CLTC: variants seen among roughly 807,000 people sequenced by gnomAD.
CLTC encodes clathrin heavy chain 1.
In CLTC, 16 loss-of-function variants were observed where a neutral mutation model predicts 195.8. The observed-to-expected ratio is 0.08, with a 90% CI of 0.06 to 0.12. The LOEUF is 0.12. Among genes scored for constraint, CLTC ranks in the 10% least tolerant of loss-of-function variants. CLTC has a pLI of 1.00. For synonymous variants in CLTC, 667 were observed against 689.4 expected, an observed-to-expected ratio of 0.97 and a Z score of 0.51; for missense variants, 796 against 2,027.0, an observed-to-expected ratio of 0.39 and a Z score of 11.66.
intron 1 of CLTC, among the ~76,000 whole-genome samples, chr17:59,625,502 A>G (rs1372769407): frequency 6.6e-6 from 1 of 152,148 alleles, no homozygotes; most frequent in Non-Finnish European, 1.5e-5. Context: ...TTTAGAGTTC[A>G]TAAAATTTAC....
At chr17:59,672,390 T>TA (rs1173040657) in intron 14 of CLTC, among the ~76,000 whole-genome samples, 1 of 152,132 alleles carries the variant, frequency 6.6e-6, no homozygotes, top group Non-Finnish European at 1.5e-5. Context: ...CTGTAAGTGA[T>TA]AAAGATAACA....
At chr17:59,650,704 T>A (rs2032308468) in intron 4 of CLTC, among the ~76,000 whole-genome samples, 1 of 152,152 alleles carries the variant, frequency 6.6e-6, no homozygotes, top group Non-Finnish European at 1.5e-5. Flanking sequence ...TCCCCTGTGT[T>A]CTTTACCCAG....
intron 5 of CLTC, among the ~76,000 whole-genome samples, chr17:59,652,799 C>T (rs1363262566): frequency 6.6e-6 from 1 of 152,146 alleles, no homozygotes; most frequent in Non-Finnish European, 1.5e-5. Context: ...TTGGCTTCAC[C>T]TTAAAGTCAC....
intron 1 of CLTC, among the ~76,000 whole-genome samples, chr17:59,621,527 A>C (rs192946235): frequency 1.3e-3 from 204 of 152,306 alleles, no homozygotes; most frequent in Admixed American, 2.0e-3. Flanking sequence ...TAAGTAACAT[A>C]ATTTCATATT....
intron 14 of CLTC, among the ~76,000 whole-genome samples, chr17:59,672,381 TGTAA>T (rs2032867693): frequency 6.6e-6 from 1 of 152,170 alleles, no homozygotes. Context: ...CTAGATTATC[TGTAA>T]GTGATAAAGA....
At chr17:59,649,134 T>C (rs1598215019) in intron 4 of CLTC, among the ~76,000 whole-genome samples, 1 of 152,184 alleles carries the variant, frequency 6.6e-6, no homozygotes, top group East Asian at 1.9e-4. Flanking sequence ...CAAGGTCTGG[T>C]TGATTAGAGC....
At chr17:59,625,132 A>C (rs1040987526) in intron 1 of CLTC, among the ~76,000 whole-genome samples, 2 of 150,776 alleles carry the variant, frequency 1.3e-5, no homozygotes, top group African/African-American at 4.9e-5. Flanking sequence ...TTTTTTTGAG[A>C]CAAAGTCTCA....
intron 30 of CLTC, chr17:59,689,647 T>A (rs578195603): frequency 6.6e-6 from 1 of 152,214 alleles, no homozygotes; most frequent in Non-Finnish European, 1.5e-5. Context: ...CTTTTAAATA[T>A]TGAAAGACAA....
intron 1 of CLTC, among the ~76,000 whole-genome samples, chr17:59,629,635 C>T (rs757208602): frequency 6.6e-6 from 1 of 150,696 alleles, no homozygotes; most frequent in Non-Finnish European, 1.5e-5. Flanking sequence ...GTTCTTCTGC[C>T]TAAGCCTCCC....
intron 31 of CLTC, among the ~76,000 whole-genome samples, chr17:59,693,195 T>C (rs1321815571): frequency 1.3e-5 from 2 of 151,892 alleles, no homozygotes; most frequent in Non-Finnish European, 2.9e-5. Flanking sequence ...GGCAAAACCC[T>C]GTCTCTACTA....
At chr17:59,669,025 T>C in intron 14 of CLTC, 85 bp downstream of exon 14, 2 of 1,256,332 alleles carry the variant, frequency 1.6e-6, no homozygotes, top group Non-Finnish European at 2.2e-6. Flanking sequence ...AAAAATATTT[T>C]TTCCCTAAAT....
At chr17:59,688,241 T>C (rs183157268) in intron 30 of CLTC, among the ~76,000 whole-genome samples, 1 of 152,360 alleles carries the variant, frequency 6.6e-6, no homozygotes, top group East Asian at 1.9e-4. Context: ...AGAGCCTGTA[T>C]AGCAAGTCAT....
chr17:59,690,770 C>A, intron 31 of CLTC, 59 bp downstream of exon 31: 1 of 1,292,318 alleles, frequency 7.7e-7, no homozygotes, highest in Non-Finnish European at 1.1e-6. Flanking sequence ...TACTTAGAGA[C>A]TGTGCCTCAA....
At chr17:59,672,816 AC>A (rs1598232702) in intron 14 of CLTC, among the ~76,000 whole-genome samples, 1 of 152,228 alleles carries the variant, frequency 6.6e-6, no homozygotes, top group East Asian at 1.9e-4. Flanking sequence ...GTTCTACCCT[AC>A]TTAGTTCTGC....
At chr17:59,672,547 G>A (rs2032873345) in intron 14 of CLTC, among the ~76,000 whole-genome samples, 1 of 152,128 alleles carries the variant, frequency 6.6e-6, no homozygotes, top group Admixed American at 6.6e-5. Flanking sequence ...ACAGCTATTA[G>A]TGCAGAGTTT....
chr17:59,690,636 G>A lies in CLTC; in HGVS notation c.4828G>A (p.Val1610Met). ...ATTAACATGATGTGTTTTTCTCCAG[G>A]TGGATAAATTAGATGCTTCAGAATC... is the stretch of plus-strand genomic sequence containing the variant. ...IQVMKEYLTK[V>M]DKLDASESLR... is the part of the protein sequence containing the mutation. The change falls in exon 31 of 32, where the codon GTG becomes ATG. Residue 1610 changes from valine to methionine, a missense_variant and splice_region_variant. Physicochemically the swap from Val to Met is conservative, Grantham distance 21. This residue lies in a region of CLTC where 148 missense variants were observed against 279.5 expected (regional missense o/e 0.53). Transcript: ENST00000269122. 6.2e-7 allele frequency: 1 copy of A among 1,609,220 alleles called. No homozygotes were observed. Among genetic ancestry groups the A allele is most frequent in the Non-Finnish European group, 8.5e-7 (1 of 1,177,362 alleles).
rs751110677 is a variant in CLTC at position 59,683,106 on chromosome 17, T to C, written c.3885T>C (p.Tyr1295=). ...TTTCTCTTGTTCAGGATCGTGGCTA[T>C]TTTGAAGAGCTGATCACCATGTTGG... is the stretch of plus-strand genomic sequence containing the variant. ...ELINYYQDRG[Y]FEELITMLEA... The change falls in exon 25 of 32, where the codon TAT becomes TAC. Residue 1295 remains tyrosine (Y), a synonymous_variant. Transcript: ENST00000269122. This position sits in a 1 kb window ranked among gnomAD's most constrained non-coding sequence, Gnocchi z 6.1. 3 of 1,614,094 alleles carry C rather than the reference T, an allele frequency of 1.9e-6. No individual in the cohort carries two copies. The South Asian group carries it at 3.3e-5, about 18-fold the overall frequency.
At chr17:59,644,110 A>G (rs1353554506) in intron 1 of CLTC, among the ~76,000 whole-genome samples, 166 bp from the exon 2 acceptor site, 1 of 152,226 alleles carries the variant, frequency 6.6e-6, no homozygotes, top group Non-Finnish European at 1.5e-5. Context: ...GAAGAAGAGA[A>G]GGTCCAATAC....
In CLTC at chr17:59,693,711, G is replaced by A. The variant is rs1223488525; in HGVS notation, c.4904-17G>A. 1 of 1,603,672 alleles carries A rather than the reference G, an allele frequency of 6.2e-7. No homozygotes were observed. Among genetic ancestry groups the A allele is most frequent in the Admixed American group, 1.7e-5 (1 of 58,148 alleles). The stretch of plus-strand genomic sequence containing the variant: ...TTGCCCCTGCCCCCTGCTCCTTTTT[G>A]TTTTCTTCTACTGTAGGTCAGCCCC... On this transcript the variant is annotated splice_polypyrimidine_tract_variant and intron_variant, in intron 31 of 31. Transcript: ENST00000269122.
Sources: allele counts gnomAD v4.1 joint callset (sites outside exome capture counted in the v4.1 genomes callset), GRCh38; gene constraint gnomAD v4.1.1; regional missense constraint gnomAD v4.1.1; non-coding constraint Gnocchi (gnomAD v3.1); transcripts MANE v1.5; gene names NCBI Gene and HGNC (gene_info 2026-07-23, HGNC 2026-07-21).